Variants in GPSM2 observed in about 807,000 individuals in gnomAD.
GPSM2 encodes the protein G protein-signaling modulator 2.
A neutral mutation model predicts 78.4 loss-of-function variants in GPSM2; 58 were observed. The observed-to-expected ratio is 0.74, with a 90% CI of 0.60 to 0.92. GPSM2 has a LOEUF of 0.92. Among genes scored for constraint, GPSM2 ranks in the 40% least tolerant of loss-of-function variants. GPSM2 has a pLI of 0.00. For missense variants in GPSM2, 700 were observed against 815.5 expected, an observed-to-expected ratio of 0.86 and a Z score of 1.73; for synonymous variants, 224 against 280.2, an observed-to-expected ratio of 0.80 and a Z score of 2.00.
In GPSM2 at chr1:108,930,041, A is replaced by C. The variant is rs1219729081; in HGVS notation, c.*101A>C. On this transcript the variant is annotated 3_prime_UTR_variant, in exon 15 of 15. Transcript: ENST00000264126. ...TTTATAGCACTGTAATACAGCTTAAAATATTTTTAGAATGATGTAAATAGT... is the reference window on the plus strand; with the variant it reads ...TTTATAGCACTGTAATACAGCTTAACATATTTTTAGAATGATGTAAATAGT... The C allele has an allele frequency of 9.5e-7, 1 of 1,051,712 alleles. No homozygotes were observed. Among genetic ancestry groups the C allele is most frequent in the Non-Finnish European group, 1.4e-6 (1 of 705,108 alleles). The allele number at this position is 1,051,712 out of a possible 1,614,324, so 65.1% of individuals were successfully genotyped here.
chr1:108,927,101 A>G (rs192054639), intron 14 of GPSM2, among the ~76,000 whole-genome samples: 1 of 152,350 alleles, frequency 6.6e-6, no homozygotes, highest in Admixed American at 6.5e-5. Flanking sequence ...TCACTGAGGC[A>G]AAGACTTGTA....
intron 2 of GPSM2, among the ~76,000 whole-genome samples, chr1:108,891,606 C>T (rs1316101296): frequency 6.6e-6 from 1 of 151,914 alleles, no homozygotes; most frequent in Non-Finnish European, 1.5e-5. Flanking sequence ...GCTATCCTCC[C>T]ACCTCAGCCT....
rs1553218893 is a variant in GPSM2, at chr1:108,931,628, T to TTAA, written c.*1688_*1689insTAA. The stretch of plus-strand genomic sequence containing the variant: ...GAATTAATTACATTAAGTGCTCAGC[T>TTAA]AAAAAAAAAAAAAAAGTTCTAAATT... On this transcript the variant is annotated 3_prime_UTR_variant, in exon 15 of 15. Transcript: ENST00000264126. 3.4e-4 allele frequency: 279 copies of TTAA among 811,248 alleles called. 1 individual carries two copies. In the African/African-American group the frequency reaches 5.0e-3, roughly 15 times the overall value. 50.3% of individuals were successfully genotyped at this position (811,248 alleles called of 1,614,324 possible). A position where few individuals can be genotyped will look rare whatever the true frequency, so the allele number is the denominator to read the frequency against.
intron 11 of GPSM2, among the ~76,000 whole-genome samples, chr1:108,918,160 A>C (rs338469): frequency 0.021 from 3,234 of 152,254 alleles, 110 homozygotes; most frequent in African/African-American, 0.072. Context: ...TTGAGAATTT[A>C]GTATGGTATT....
chr1:108,896,811 T>A, intron 2 of GPSM2, 53 bp from the exon 3 acceptor site: 3 of 1,314,370 alleles, frequency 2.3e-6, no homozygotes, highest in East Asian at 4.6e-5. Flanking sequence ...TTAAAAATAC[T>A]GTGATGCAGC....
chr1:108,885,343 G>A lies in GPSM2; in HGVS notation c.-180G>A. 1.9e-6 allele frequency: 1 copy of A among 518,316 alleles called. No individual in the cohort carries two copies. Among genetic ancestry groups the A allele is most frequent in the Non-Finnish European group, 3.4e-6 (1 of 293,646 alleles). The allele number at this position is 518,316 out of a possible 1,614,324, so 32.1% of individuals were successfully genotyped here. A position where few individuals can be genotyped will look rare whatever the true frequency, so the allele number is the denominator to read the frequency against. On this transcript the variant is annotated 5_prime_UTR_variant, in exon 2 of 15. Transcript: ENST00000264126. ...TTTGGGATACATTTTGAACCTTTAA[G>A]CTGTCTGACATTGACCTCCTTTCAT...
intron 10 of GPSM2, among the ~76,000 whole-genome samples, chr1:108,907,536 T>A (rs1225977610): frequency 6.6e-6 from 1 of 152,178 alleles, no homozygotes; most frequent in Non-Finnish European, 1.5e-5. Flanking sequence ...GTTCTTCAGA[T>A]GTTAGAATTA....
At chr1:108,907,735 G>A (rs866485857) in intron 10 of GPSM2, among the ~76,000 whole-genome samples, 4 of 152,188 alleles carry the variant, frequency 2.6e-5, no homozygotes, top group Non-Finnish European at 4.4e-5. Flanking sequence ...AACAATTCTA[G>A]TAGTTAAGTT....
chr1:108,901,317 G>A (rs1378705179), intron 7 of GPSM2, among the ~76,000 whole-genome samples: 8 of 152,252 alleles, frequency 5.3e-5, no homozygotes, highest in Admixed American at 1.3e-4. Flanking sequence ...ACTAATGCCC[G>A]ATACATAAGA....
chr1:108,917,609 CACATATATATATATATATATATATATAT>C (rs1202219903), intron 11 of GPSM2, among the ~76,000 whole-genome samples: 1 of 90,192 alleles, frequency 1.1e-5, no homozygotes, highest in Non-Finnish European at 2.5e-5. Flanking sequence ...CACACACACA[CACATATATATATATATATATATATATAT>C]ATATATATAT....
At chr1:108,890,103 C>T (rs1330419794) in intron 2 of GPSM2, among the ~76,000 whole-genome samples, 1 of 152,162 alleles carries the variant, frequency 6.6e-6, no homozygotes, top group Non-Finnish European at 1.5e-5. Context: ...GCTCTGTGGC[C>T]TCCGTGTGCT....
intron 1 of GPSM2, among the ~76,000 whole-genome samples, chr1:108,883,635 C>T (rs1399017793): frequency 6.6e-6 from 1 of 152,104 alleles, no homozygotes; most frequent in African/African-American, 2.4e-5. Context: ...CTTTGTCTTT[C>T]TCAACTGTTA....
In GPSM2 at chr1:108,923,981, T is replaced by C; in HGVS notation, c.1601-19T>C. On this transcript the variant is annotated intron_variant, in intron 13 of 14. Coordinates refer to ENST00000264126, the MANE Select transcript of GPSM2 (RefSeq NM_013296.5). Reference sequence around the variant, plus strand: ...TTTTTGTTTTTTTTTAATCTTTGGCTTTCTTCTTCTGTTCTTAGCATCATC... The same window carrying C: ...TTTTTGTTTTTTTTTAATCTTTGGCCTTCTTCTTCTGTTCTTAGCATCATC... 1 of 1,523,444 alleles carries C rather than the reference T, an allele frequency of 6.6e-7. No homozygotes were observed. Among genetic ancestry groups the C allele is most frequent in the Non-Finnish European group, 9.1e-7 (1 of 1,097,392 alleles). 94.4% of individuals were successfully genotyped at this position (1,523,444 alleles called of 1,614,324 possible).
Position 108,877,082 on chromosome 1 carries a change from C to G in GPSM2, c.-395C>G, listed in dbSNP as rs956680142. On this transcript the variant is annotated 5_prime_UTR_variant, in exon 1 of 15. Coordinates refer to ENST00000264126, the MANE Select transcript of GPSM2 (RefSeq NM_013296.5). ...GAGGGGCGCTACGAGCTCTGGCCCA[C>G]GTGACCTGCCGGGGGCGGGAGCAGG... 2 of 152,216 alleles carry G rather than the reference C, an allele frequency of 1.3e-5. No individual in the cohort carries two copies. The highest frequency in any genetic ancestry group is 2.9e-5 in the Non-Finnish European group (2 of 68,046). 9.4% of individuals were successfully genotyped at this position (152,216 alleles called of 1,614,324 possible).
At chr1:108,925,905 G>GGTAA (rs1452915710) in intron 14 of GPSM2, among the ~76,000 whole-genome samples, 3 of 151,954 alleles carry the variant, frequency 2.0e-5, no homozygotes, top group East Asian at 1.9e-4. Context: ...CAGTGATGTA[G>GGTAA]GTAAGTCTGG....
chr1:108,883,799 T>C (rs1197420764), intron 1 of GPSM2, among the ~76,000 whole-genome samples: 1 of 152,220 alleles, frequency 6.6e-6, no homozygotes, highest in African/African-American at 2.4e-5. Context: ...AGATATATTA[T>C]AGAGCTGCTC....
At chr1:108,886,396 G>A (rs1485255247) in intron 2 of GPSM2, among the ~76,000 whole-genome samples, 1 of 152,192 alleles carries the variant, frequency 6.6e-6, no homozygotes, top group African/African-American at 2.4e-5. Flanking sequence ...ATTTTTACAT[G>A]AAGTAGTGGT....
chr1:108,926,619 T>TAATA (rs1452126921), intron 14 of GPSM2: 3 of 151,908 alleles, frequency 2.0e-5, no homozygotes, highest in African/African-American at 7.3e-5. Flanking sequence ...GTGTAACACA[T>TAATA]AATATAAACA....
At chr1:108,901,144 T>C (rs1427047986) in intron 7 of GPSM2, among the ~76,000 whole-genome samples, 1 of 152,204 alleles carries the variant, frequency 6.6e-6, no homozygotes, top group African/African-American at 2.4e-5. Context: ...AGAGATTGAG[T>C]GACTTTGCCC....
Sources: allele counts gnomAD v4.1 joint callset (sites outside exome capture counted in the v4.1 genomes callset), GRCh38; gene constraint gnomAD v4.1.1; transcripts MANE v1.5; gene names NCBI Gene and HGNC (gene_info 2026-07-23, HGNC 2026-07-21).